The following TTC7A variants were observed in gnomAD, a reference collection of about 807,000 sequenced individuals.
TTC7A encodes the protein tetratricopeptide repeat protein 7A.
TTC7A carries 110 observed loss-of-function variants against 103.7 expected under a neutral mutation model. The ratio of observed to expected loss-of-function variants is 1.06; its 90% CI spans 0.91 to 1.24. The LOEUF (loss-of-function observed/expected upper bound fraction) is 1.24. Among genes scored for constraint, TTC7A ranks in the 50% most tolerant of loss-of-function variants. TTC7A has a pLI of 0.00. For missense variants in TTC7A, 1,340 were observed against 1,116.3 expected (o/e 1.20, Z -2.86); for synonymous variants, 521 against 467.9 (o/e 1.11, Z -1.47).
chr2:46,957,850 A>G (rs13387604), intron 3 of TTC7A, among the ~76,000 whole-genome samples: 27,276 of 152,172 alleles, frequency 0.18, 3,229 homozygotes, highest in African/African-American at 0.34. Flanking sequence ...ACCAACCTCC[A>G]GAGAAAAGTC....
intron 3 of TTC7A, among the ~76,000 whole-genome samples, chr2:46,964,320 A>G (rs1672649026): frequency 6.6e-6 from 1 of 152,134 alleles, no homozygotes; most frequent in South Asian, 2.1e-4. Flanking sequence ...TTGGAGGTGC[A>G]GTGTAATCAT....
At chr2:47,069,132 T>G (rs568516704) in intron 19 of TTC7A, among the ~76,000 whole-genome samples, 2 of 152,012 alleles carry the variant, frequency 1.3e-5, no homozygotes, top group Admixed American at 1.3e-4. Context: ...TGCTCCAGGA[T>G]GGGTAGAGGC....
At chr2:46,930,497 A>AT (rs575100979) in intron 2 of TTC7A, among the ~76,000 whole-genome samples, 4,637 of 132,024 alleles carry the variant, frequency 0.035, 109 homozygotes, top group Non-Finnish European at 0.052. Flanking sequence ...AAGTCCTATA[A>AT]TTTTTTTTTT....
chr2:46,927,884 G>GTTTTTTTTTTT (rs566447236), intron 2 of TTC7A, among the ~76,000 whole-genome samples: 2 of 73,322 alleles, frequency 2.7e-5, no homozygotes, highest in Non-Finnish European at 5.2e-5. Context: ...TTTTTTTGGT[G>GTTTTTTTTTTT]TTTTTTTTTT....
chr2:47,046,426 G>C lies in TTC7A; in HGVS notation c.1914G>C (p.Gln638His), dbSNP rs367967346. ...GGCAGACCCTGTACAGCTTCTCCCA[G>C]CTGGGGTGAGTGGCCGTCATTGTCT... ...RLWQTLYSFSQLGGLEKDGSF... is the reference protein window; with the variant it reads ...RLWQTLYSFSHLGGLEKDGSF... The change falls in exon 16 of 20, where the codon CAG becomes CAC. Residue 638 changes from glutamine to histidine, a missense_variant. Transcript: ENST00000319190. The C allele has an allele frequency of 1.7e-5, 28 of 1,613,700 alleles. No individual in the cohort carries two copies. The highest frequency in any genetic ancestry group is 1.4e-4 in the South Asian group (13 of 91,070).
At chr2:46,935,375 G>A (rs1041458204) in intron 2 of TTC7A, among the ~76,000 whole-genome samples, 1 of 152,074 alleles carries the variant, frequency 6.6e-6, no homozygotes, top group South Asian at 2.1e-4. Flanking sequence ...TGGAAGAGCT[G>A]CTTTAAAATA....
At chr2:46,980,998 A>C (rs896954910) in intron 5 of TTC7A, among the ~76,000 whole-genome samples, 21 of 152,212 alleles carry the variant, frequency 1.4e-4, no homozygotes, top group Admixed American at 8.5e-4. Context: ...CACCACTGCC[A>C]CGTGTCCAGC....
upstream of TTC7A, among the ~76,000 whole-genome samples, chr2:46,940,774 G>C (rs890340043): frequency 1.3e-4 from 20 of 152,222 alleles, no homozygotes; most frequent in African/African-American, 4.1e-4. This position sits in a 1 kb window ranked among gnomAD's most constrained non-coding sequence, Gnocchi z 4.7. Context: ...AGCATGCCTG[G>C]CCCGCATCGC....
intron 2 of TTC7A, among the ~76,000 whole-genome samples, chr2:46,931,692 T>TAATAAATAAATAAATAAATA (rs10524721): frequency 2.5e-4 from 37 of 148,642 alleles, no homozygotes; most frequent in African/African-American, 7.0e-4. Flanking sequence ...AAACAGACAA[T>TAATAAATAAATAAATAAATA]AATAAATAAA....
chr2:46,978,583 G>C (rs536148900), intron 4 of TTC7A, among the ~76,000 whole-genome samples: 1 of 88,166 alleles, frequency 1.1e-5, no homozygotes, highest in East Asian at 4.5e-4. Flanking sequence ...AAAGACAGAG[G>C]GCTTGTGGGC....
chr2:46,950,264 A>AC (rs1447684022), intron 1 of TTC7A, 99 bp from the exon 2 acceptor site: 10 of 1,239,614 alleles, frequency 8.1e-6, no homozygotes, highest in Non-Finnish European at 6.8e-6. Flanking sequence ...CCATTCATGT[A>AC]CTGGGTATGG....
intron 14 of TTC7A, 135 bp from the exon 15 acceptor site, chr2:47,029,089 C>A: frequency 2.0e-6 from 2 of 1,003,720 alleles, no homozygotes; most frequent in Non-Finnish European, 1.5e-6. Flanking sequence ...TGTTTTCTCA[C>A]AGCAGCCTCC....
chr2:46,927,698 C>T (rs1180323644), intron 2 of TTC7A, among the ~76,000 whole-genome samples: 1 of 151,938 alleles, frequency 6.6e-6, no homozygotes, highest in Admixed American at 6.6e-5. Flanking sequence ...AGACGGCTGA[C>T]TTCTCACAAC....
intron 8 of TTC7A, among the ~76,000 whole-genome samples, chr2:47,000,809 G>A (rs1572867058): frequency 1.3e-5 from 2 of 152,184 alleles, no homozygotes; most frequent in African/African-American, 4.8e-5. Flanking sequence ...CGGTTGATCA[G>A]GGCCTTGGAC....
At chr2:46,935,625 T>G (rs1241785337) in intron 2 of TTC7A, among the ~76,000 whole-genome samples, 1 of 152,106 alleles carries the variant, frequency 6.6e-6, no homozygotes, top group Non-Finnish European at 1.5e-5. Flanking sequence ...AGCATTCAAT[T>G]ATTGAGGCCC....
At position 47,018,558 on chromosome 2, in the gene TTC7A, T is replaced by G. The variant is rs1386303717; in HGVS notation, c.1393-3304T>G. ...GAGATTGTGCCACTGCACGCCAGCT[T>G]GGGATACAGAGTGAGACTCCATCTC... On this transcript the variant is annotated intron_variant, in intron 11 of 19. Transcript: ENST00000319190. Among the ~76,000 whole-genome samples, 3 of 140,986 alleles carry G rather than the reference T, an allele frequency of 2.1e-5. No individual in the cohort carries two copies. The Admixed American group carries it at 2.3e-4, about 11-fold the overall frequency. The allele number at this position is 140,986 out of a possible 152,430, so 92.5% of individuals were successfully genotyped here. A position where few individuals can be genotyped will look rare whatever the true frequency, so the allele number is the denominator to read the frequency against.
At chr2:46,950,099 G>A (rs1185047310) in intron 1 of TTC7A, among the ~76,000 whole-genome samples, 1 of 152,110 alleles carries the variant, frequency 6.6e-6, no homozygotes, top group African/African-American at 2.4e-5. Context: ...ATTTGTCCCC[G>A]AGTCCTGGGA....
chr2:46,958,213 C>T (rs930787161), intron 3 of TTC7A, among the ~76,000 whole-genome samples: 2 of 152,198 alleles, frequency 1.3e-5, no homozygotes, highest in African/African-American at 4.8e-5. Context: ...TCCTTGGATC[C>T]CTTTTCTGTT....
chr2:46,973,066 C>T (rs1286414595), intron 3 of TTC7A, among the ~76,000 whole-genome samples: 8 of 139,264 alleles, frequency 5.7e-5, no homozygotes, highest in Non-Finnish European at 1.3e-4. Context: ...GTCATGGGCT[C>T]ACAACTGTAT....
Sources: gnomAD v4.1 joint callset for allele counts (sites outside exome capture counted in the v4.1 genomes callset) on GRCh38, gnomAD v4.1.1 for gene constraint, Gnocchi (gnomAD v3.1) non-coding constraint, MANE v1.5 for transcripts, NCBI Gene and HGNC (gene_info 2026-07-23, HGNC 2026-07-21) for gene names.